The following RBFOX1 variants were observed in gnomAD, a reference collection of about 807,000 sequenced individuals.
RBFOX1 encodes the protein RNA binding protein fox-1 homolog 1.
In RBFOX1, 8 loss-of-function variants were observed where a neutral mutation model predicts 57.7. The ratio of observed to expected loss-of-function variants is 0.14; its 90% CI spans 0.08 to 0.25. The LOEUF (loss-of-function observed/expected upper bound fraction) is 0.25, where lower values mean the gene tolerates loss of function less well. Ranked by LOEUF, RBFOX1 falls within the 10% of genes least tolerant of loss-of-function variation. The pLI, the probability that RBFOX1 is intolerant of heterozygous loss-of-function variation, is 1.00. For synonymous variants in RBFOX1, 326 were observed against 222.4 expected, an observed-to-expected ratio of 1.47 and a Z score of -4.15; for missense variants, 611 against 548.5, an observed-to-expected ratio of 1.11 and a Z score of -1.14.
intron 1 of RBFOX1, among the ~76,000 whole-genome samples, chr16:6,207,973 T>C (rs1242401085): frequency 6.6e-6 from 1 of 152,174 alleles, no homozygotes; most frequent in Non-Finnish European, 1.5e-5. Flanking sequence ...GGAGATGTTG[T>C]AGTGATTAAT....
At chr16:6,658,817 C>G (rs997663669) in intron 3 of RBFOX1, among the ~76,000 whole-genome samples, 8 of 152,048 alleles carry the variant, frequency 5.3e-5, no homozygotes, top group African/African-American at 1.9e-4. Flanking sequence ...GGTTCCTGGC[C>G]ATTGCTTAAA....
At chr16:5,970,604 A>G (rs1033165919) in intron 4 of RBFOX1, among the ~76,000 whole-genome samples, 1 of 152,224 alleles carries the variant, frequency 6.6e-6, no homozygotes, top group Non-Finnish European at 1.5e-5. Flanking sequence ...TGTAGAGAAG[A>G]CAGACTGTGG....
chr16:6,731,633 A>G (rs1277805026), intron 3 of RBFOX1, among the ~76,000 whole-genome samples: 2 of 151,968 alleles, frequency 1.3e-5, no homozygotes, highest in Non-Finnish European at 2.9e-5. Flanking sequence ...CTGGAGTGTA[A>G]ACACCCCAGC....
chr16:5,771,810 T>C (rs552765895), intron 3 of RBFOX1, among the ~76,000 whole-genome samples: 3 of 152,344 alleles, frequency 2.0e-5, no homozygotes, highest in African/African-American at 7.2e-5. Context: ...TGTGCATGTG[T>C]AGTGTTTGAA....
At chr16:6,996,831 G>C (rs1386638013) in intron 3 of RBFOX1, among the ~76,000 whole-genome samples, 2 of 151,964 alleles carry the variant, frequency 1.3e-5, no homozygotes, top group East Asian at 3.9e-4. Flanking sequence ...TTCCATCATT[G>C]CTAGTTTGCT....
chr16:6,652,593 C>T (rs2098605703), intron 2 of RBFOX1, among the ~76,000 whole-genome samples: 1 of 152,076 alleles, frequency 6.6e-6, no homozygotes, highest in Non-Finnish European at 1.5e-5. Context: ...AGAGCCTTGA[C>T]CTTGAACTTC....
At chr16:6,913,497 C>T (rs71374919) in intron 3 of RBFOX1, among the ~76,000 whole-genome samples, 30,887 of 152,040 alleles carry the variant, frequency 0.2, 3,320 homozygotes, top group East Asian at 0.33. Flanking sequence ...CCACAACCCT[C>T]GGCCCCATCA....
At chr16:7,660,095 G>T (rs573528115) in intron 12 of RBFOX1, among the ~76,000 whole-genome samples, 1 of 151,934 alleles carries the variant, frequency 6.6e-6, no homozygotes, top group Admixed American at 6.6e-5. Context: ...ACTTGTGGCT[G>T]GTATATATCA....
At chr16:5,442,652 G>A (rs2068118969) in intron 1 of RBFOX1, among the ~76,000 whole-genome samples, 1 of 152,140 alleles carries the variant, frequency 6.6e-6, no homozygotes, top group South Asian at 2.1e-4. Flanking sequence ...AATTAGAGTG[G>A]TTGTATCTAT....
At chr16:5,705,584 A>G (rs989971822) in intron 3 of RBFOX1, among the ~76,000 whole-genome samples, 1 of 152,220 alleles carries the variant, frequency 6.6e-6, no homozygotes, top group African/African-American at 2.4e-5. Context: ...TTGGACTAAC[A>G]GCAAACTAAG....
chr16:5,408,233 G>T (rs1189958398), intron 1 of RBFOX1, among the ~76,000 whole-genome samples: 1 of 152,178 alleles, frequency 6.6e-6, no homozygotes, highest in South Asian at 2.1e-4. Flanking sequence ...CCTCAGCTTA[G>T]AGAAAGTGAA....
intron 3 of RBFOX1, among the ~76,000 whole-genome samples, chr16:5,628,794 C>G (rs1174131401): frequency 6.6e-6 from 1 of 152,180 alleles, no homozygotes; most frequent in Admixed American, 6.5e-5. Context: ...TTTGAGCATC[C>G]TTATGGCTGA....
At chr16:5,359,600 T>G (rs2065486956) in intron 1 of RBFOX1, among the ~76,000 whole-genome samples, 1 of 152,240 alleles carries the variant, frequency 6.6e-6, no homozygotes, top group Admixed American at 6.5e-5. Context: ...TGTTTGTCAT[T>G]TTTAGGTCTG....
chr16:6,272,356 G>A (rs370683824), intron 1 of RBFOX1, among the ~76,000 whole-genome samples: 286 of 152,242 alleles, frequency 1.9e-3, no homozygotes, highest in African/African-American at 6.3e-3. Flanking sequence ...AATTAAAAAT[G>A]CAATGTCATG....
At chr16:6,280,053 C>T (rs959628349) in intron 1 of RBFOX1, among the ~76,000 whole-genome samples, 6 of 151,550 alleles carry the variant, frequency 4.0e-5, no homozygotes, top group African/African-American at 9.7e-5. Flanking sequence ...GATTAAAACA[C>T]GATTCATCCT....
intron 4 of RBFOX1, among the ~76,000 whole-genome samples, chr16:7,303,999 G>A (rs1395929330): frequency 6.6e-6 from 1 of 151,856 alleles, no homozygotes; most frequent in Non-Finnish European, 1.5e-5. Context: ...TCCACTTTCC[G>A]GGGGATCAAA....
intron 4 of RBFOX1, among the ~76,000 whole-genome samples, chr16:7,397,016 A>G (rs538962159): frequency 1.3e-5 from 2 of 152,232 alleles, no homozygotes; most frequent in Admixed American, 1.3e-4. Context: ...CACATAGCCT[A>G]CACATTCATG....
At chr16:6,951,549 T>C (rs1243629873) in intron 3 of RBFOX1, among the ~76,000 whole-genome samples, 1 of 152,040 alleles carries the variant, frequency 6.6e-6, no homozygotes, top group African/African-American at 2.4e-5. Flanking sequence ...GCAGGAATAT[T>C]GGGGACTACT....
At chr16:5,617,327 T>G (rs2048062121) in intron 3 of RBFOX1, among the ~76,000 whole-genome samples, 1 of 152,150 alleles carries the variant, frequency 6.6e-6, no homozygotes, top group Non-Finnish European at 1.5e-5. Flanking sequence ...GAGCACTTAT[T>G]CCTGCTACCC....
Sources: gnomAD v4.1 joint callset for allele counts (sites outside exome capture counted in the v4.1 genomes callset) on GRCh38, gnomAD v4.1.1 for gene constraint, MANE v1.5 for transcripts, NCBI Gene and HGNC (gene_info 2026-07-23, HGNC 2026-07-21) for gene names.